Variants in KCNS3 observed in about 807,000 individuals in gnomAD.
KCNS3 encodes potassium voltage-gated channel modifier subfamily S member 3.
A neutral mutation model predicts 31.0 loss-of-function variants in KCNS3; 13 were observed. The observed-to-expected ratio is 0.42, with a 90% CI of 0.27 to 0.67. The LOEUF is 0.67. Among genes scored for constraint, KCNS3 ranks in the 30% least tolerant of loss-of-function variants. KCNS3 has a pLI of 0.25. For synonymous variants in KCNS3, 238 were observed against 241.5 expected (o/e 0.99, Z 0.13); for missense variants, 545 against 622.4 (o/e 0.88, Z 1.32).
At chr2:17,882,707 G>A (rs1314807714) in intron 1 of KCNS3, among the ~76,000 whole-genome samples, 1 of 152,176 alleles carries the variant, frequency 6.6e-6, no homozygotes, top group African/African-American at 2.4e-5. Flanking sequence ...CTGCTGTTTT[G>A]TGAAGCCTGG....
At chr2:17,895,751 G>A (rs1196185156) in intron 1 of KCNS3, among the ~76,000 whole-genome samples, 1 of 152,148 alleles carries the variant, frequency 6.6e-6, no homozygotes, top group Non-Finnish European at 1.5e-5. Context: ...CCTGGAAGAG[G>A]CGACATTTGG....
At chr2:17,906,693 T>A (rs1326665043) in intron 1 of KCNS3, among the ~76,000 whole-genome samples, 1 of 152,218 alleles carries the variant, frequency 6.6e-6, no homozygotes, top group East Asian at 1.9e-4. Context: ...AACATCTTTA[T>A]TTCTGCCTTC....
At chr2:17,923,436 C>T (rs1662767805) in intron 2 of KCNS3, among the ~76,000 whole-genome samples, 1 of 151,856 alleles carries the variant, frequency 6.6e-6, no homozygotes, top group African/African-American at 2.4e-5. Context: ...GATACTTGTC[C>T]TTTGAATTGA....
chr2:17,879,221 C>A (rs935230008), intron 1 of KCNS3, among the ~76,000 whole-genome samples: 1 of 152,250 alleles, frequency 6.6e-6, no homozygotes, highest in African/African-American at 2.4e-5. Flanking sequence ...TAGGGGCATC[C>A]CCGGGGCGTT....
intron 1 of KCNS3, among the ~76,000 whole-genome samples, chr2:17,885,553 A>T (rs1224861170): frequency 6.6e-6 from 1 of 152,246 alleles, no homozygotes; most frequent in Non-Finnish European, 1.5e-5. Context: ...CCAACACTCC[A>T]CTTCAAGTTT....
In KCNS3 at chr2:17,932,253, G is replaced by A. The variant is rs1476524465; in HGVS notation, c.1245G>A (p.Lys415=). ...ACAAGTTTTCCAAGTACTACCAGAAGCAAAAGGACATTGATGTGGACCAGT... is the reference window on the plus strand; with the variant it reads ...ACAAGTTTTCCAAGTACTACCAGAAACAAAAGGACATTGATGTGGACCAGT... The part of the protein sequence containing the change: ...IFNKFSKYYQ[K]QKDIDVDQCS... The change falls in exon 3 of 3, where the codon AAG becomes AAA. Residue 415 remains lysine (K), a synonymous_variant. Transcript: ENST00000304101. The A allele has an allele frequency of 6.2e-7, 1 of 1,614,018 alleles. No individual in the cohort carries two copies. Among genetic ancestry groups the A allele is most frequent in the East Asian group, 2.2e-5 (1 of 44,890 alleles).
intron 1 of KCNS3, among the ~76,000 whole-genome samples, chr2:17,892,726 G>A (rs1247487511): frequency 6.6e-6 from 1 of 152,116 alleles, no homozygotes; most frequent in African/African-American, 2.4e-5. Flanking sequence ...GCCACCCAGC[G>A]AGTCTGCCCA....
At chr2:17,886,002 G>T (rs1572476923) in intron 1 of KCNS3, among the ~76,000 whole-genome samples, 1 of 152,086 alleles carries the variant, frequency 6.6e-6, no homozygotes, top group East Asian at 1.9e-4. Flanking sequence ...ATAGAGCCTG[G>T]GCAACAGAGC....
intron 1 of KCNS3, among the ~76,000 whole-genome samples, chr2:17,880,360 G>C (rs1276176560): frequency 1.3e-5 from 2 of 152,194 alleles, no homozygotes; most frequent in Non-Finnish European, 2.9e-5. Context: ...GGATGCACTC[G>C]GGGACAGACA....
At chr2:17,926,813 G>C (rs1396654694) in intron 2 of KCNS3, among the ~76,000 whole-genome samples, 1 of 152,248 alleles carries the variant, frequency 6.6e-6, no homozygotes, top group Non-Finnish European at 1.5e-5. Context: ...ATGCCCTGGA[G>C]AAATTTTCCC....
chr2:17,927,105 C>G (rs766567035), intron 2 of KCNS3, among the ~76,000 whole-genome samples: 30 of 152,218 alleles, frequency 2.0e-4, no homozygotes, highest in Non-Finnish European at 3.8e-4. Context: ...TCATCTCTCT[C>G]AAGTTCAAAG....
intron 1 of KCNS3, among the ~76,000 whole-genome samples, chr2:17,885,959 G>A (rs925090802): frequency 6.6e-6 from 1 of 152,164 alleles, no homozygotes; most frequent in South Asian, 2.1e-4. Flanking sequence ...TGATCAATTT[G>A]TAGTTGTAGG....
At chr2:17,895,067 C>G (rs1247577410) in intron 1 of KCNS3, among the ~76,000 whole-genome samples, 1 of 152,048 alleles carries the variant, frequency 6.6e-6, no homozygotes, top group Non-Finnish European at 1.5e-5. Context: ...CTGGGCAAAG[C>G]GTTTAAAAAA....
chr2:17,890,468 G>A (rs1019672186), intron 1 of KCNS3, among the ~76,000 whole-genome samples: 2 of 151,564 alleles, frequency 1.3e-5, no homozygotes. Context: ...TTCTGCGGGG[G>A]TTGGGTTTGG....
At chr2:17,900,481 G>T (rs1287917097) in intron 1 of KCNS3, among the ~76,000 whole-genome samples, 1 of 151,792 alleles carries the variant, frequency 6.6e-6, no homozygotes, top group Non-Finnish European at 1.5e-5. Context: ...CATTTTCGGA[G>T]ATTTTCATTA....
chr2:17,916,724 G>A (rs935593595), intron 1 of KCNS3, among the ~76,000 whole-genome samples: 1 of 152,160 alleles, frequency 6.6e-6, no homozygotes, highest in Non-Finnish European at 1.5e-5. Context: ...GAGGGACTGG[G>A]GGCAGGCACT....
Position 17,931,895 on chromosome 2 carries a change from G to A in KCNS3, c.887G>A (p.Arg296Lys), listed in dbSNP as rs1558462322. 2 of 1,614,136 alleles carry A rather than the reference G, an allele frequency of 1.2e-6. No homozygotes were observed. Among genetic ancestry groups the A allele is most frequent in the South Asian group, 1.1e-5 (1 of 91,074 alleles). The change falls in exon 3 of 3, where the codon AGG becomes AAG. Residue 296 changes from arginine (R) to lysine (K), a missense_variant. Transcript: ENST00000304101. The surrounding 1 kb of genome is among the most constrained non-coding windows in gnomAD (Gnocchi z 5.4). ...GTGGTCCAGATCCTACGGCTTATGA[G>A]GATTTTCCGAATTCTAAAGCTTGCC... ...GKVVQILRLM[R>K]IFRILKLARH...
intron 1 of KCNS3, among the ~76,000 whole-genome samples, chr2:17,912,939 G>A (rs759031269): frequency 8.5e-5 from 13 of 152,110 alleles, no homozygotes; most frequent in Non-Finnish European, 4.4e-5. Context: ...TTAACTTAAG[G>A]TACTTCTTGA....
chr2:17,886,119 T>C (rs1661648475), intron 1 of KCNS3, among the ~76,000 whole-genome samples: 1 of 152,228 alleles, frequency 6.6e-6, no homozygotes, highest in Non-Finnish European at 1.5e-5. Context: ...ACTTTAGGAA[T>C]GCTGGCTTAA....
Sources: allele counts gnomAD v4.1 joint callset (sites outside exome capture counted in the v4.1 genomes callset), GRCh38; gene constraint gnomAD v4.1.1; non-coding constraint Gnocchi (gnomAD v3.1); transcripts MANE v1.5; gene names NCBI Gene and HGNC (gene_info 2026-07-23, HGNC 2026-07-21).